Variants in NRXN3 observed in about 807,000 individuals in gnomAD.
NRXN3 encodes neurexin III.
A neutral mutation model predicts 137.6 loss-of-function variants in NRXN3; 32 were observed. The ratio of observed to expected loss-of-function variants is 0.23; its 90% CI spans 0.18 to 0.31. The LOEUF is 0.31. Among genes scored for constraint, NRXN3 ranks in the 10% least tolerant of loss-of-function variants. NRXN3 has a pLI of 1.00. For missense variants in NRXN3, 1,574 were observed against 2,062.5 expected (o/e 0.76, Z 4.59); for synonymous variants, 798 against 784.5 (o/e 1.02, Z -0.29).
rs575853305 is a variant in NRXN3, at chr14:79,783,723, A to G, written c.4015-21389A>G. 5.9e-5 allele frequency among the ~76,000 whole-genome samples: 9 copies of G among 152,306 alleles called. No individual in the cohort carries two copies. The South Asian group carries it at 1.7e-3, about 28-fold the overall frequency. ...ATGTAAAATTCTGATAGTATCATGT[A>G]TGTCTTTAGAATTTCCGTTGTCACA... On this transcript the variant is annotated intron_variant, in intron 19 of 20. Coordinates refer to ENST00000335750, the MANE Select transcript of NRXN3 (RefSeq NM_001330195.2).
At chr14:78,990,492 C>T (rs1598299301) in intron 15 of NRXN3, among the ~76,000 whole-genome samples, 1 of 151,640 alleles carries the variant, frequency 6.6e-6, no homozygotes, top group Non-Finnish European at 1.5e-5. Context: ...CTGCCTCAGC[C>T]TCCTGAGTAG....
At chr14:79,128,787 G>C (rs1295312585) in intron 15 of NRXN3, among the ~76,000 whole-genome samples, 1 of 151,924 alleles carries the variant, frequency 6.6e-6, no homozygotes, top group African/African-American at 2.4e-5. Context: ...GTAGAATTCG[G>C]CTGTGAATCC....
chr14:79,130,194 G>C lies in NRXN3; in HGVS notation c.3262+142053G>C, dbSNP rs562690599. Among the ~76,000 whole-genome samples, 6 of 150,616 alleles carry C rather than the reference G, an allele frequency of 4.0e-5. No individual in the cohort carries two copies. In the South Asian group the frequency reaches 1.3e-3, roughly 32 times the overall value. On this transcript the variant is annotated intron_variant, in intron 15 of 20. Coordinates refer to ENST00000335750, the MANE Select transcript of NRXN3 (RefSeq NM_001330195.2). ...TCCATTTACATTTAAAGTTAATATT[G>C]TTATGTGTGAATTTGATCCTGTCAT... is the stretch of plus-strand genomic sequence containing the variant.
intron 8 of NRXN3, among the ~76,000 whole-genome samples, chr14:78,778,792 CTTTCTTTCTTTCTT>C (rs2098757084): frequency 7.9e-6 from 1 of 127,216 alleles, no homozygotes; most frequent in African/African-American, 3.1e-5. Flanking sequence ...TTCTTTCTTT[CTTTCTTTCTTTCTT>C]TCTTTCTTTC....
At chr14:79,579,068 C>G (rs753823543) in intron 16 of NRXN3, among the ~76,000 whole-genome samples, 46 of 151,886 alleles carry the variant, frequency 3.0e-4, no homozygotes, top group Non-Finnish European at 5.7e-4. Flanking sequence ...AATTTTACAG[C>G]TATTATTCAA....
chr14:79,739,240 T>C (rs139996663), intron 19 of NRXN3, among the ~76,000 whole-genome samples: 142 of 152,270 alleles, frequency 9.3e-4, no homozygotes, highest in African/African-American at 3.3e-3. Flanking sequence ...CTGGAGCTAA[T>C]ACAGTAATAT....
chr14:78,323,721 G>A (rs976479280), intron 4 of NRXN3, among the ~76,000 whole-genome samples: 1 of 152,008 alleles, frequency 6.6e-6, no homozygotes, highest in African/African-American at 2.4e-5. Flanking sequence ...CCAAGGAAGT[G>A]CTTCCCTAGG....
intron 10 of NRXN3, among the ~76,000 whole-genome samples, chr14:78,817,171 C>T (rs966870821): frequency 5.3e-5 from 8 of 152,136 alleles, no homozygotes; most frequent in Non-Finnish European, 1.0e-4. Flanking sequence ...GACACTGGAG[C>T]CAAATAGCCT....
chr14:79,028,878 C>A (rs1256870149), intron 15 of NRXN3, among the ~76,000 whole-genome samples: 1 of 152,100 alleles, frequency 6.6e-6, no homozygotes, highest in African/African-American at 2.4e-5. Flanking sequence ...TTTCTCACTG[C>A]CTGATCCATT....
chr14:79,427,747 G>T (rs1185186638), intron 15 of NRXN3, among the ~76,000 whole-genome samples: 2 of 151,146 alleles, frequency 1.3e-5, no homozygotes, highest in Admixed American at 6.6e-5. Context: ...CAGGAGAATT[G>T]CTTGAACCCT....
At chr14:79,498,820 TG>T (rs2096791717) in intron 16 of NRXN3, among the ~76,000 whole-genome samples, 1 of 152,266 alleles carries the variant, frequency 6.6e-6, no homozygotes, top group African/African-American at 2.4e-5. Context: ...GGTCTTGCTC[TG>T]TGTCCCATGC....
intron 4 of NRXN3, among the ~76,000 whole-genome samples, chr14:78,375,455 A>G: frequency 6.6e-6 from 1 of 152,162 alleles, no homozygotes; most frequent in South Asian, 2.1e-4. Flanking sequence ...TATTTTGGAT[A>G]CTTTCTAGTT....
At chr14:79,205,718 G>A (rs919611119) in intron 15 of NRXN3, among the ~76,000 whole-genome samples, 1 of 152,196 alleles carries the variant, frequency 6.6e-6, no homozygotes, top group Non-Finnish European at 1.5e-5. Flanking sequence ...TCCTATGACA[G>A]AAATCCAGCA....
intron 17 of NRXN3, among the ~76,000 whole-genome samples, chr14:79,677,879 C>T (rs2098649098): frequency 1.3e-5 from 2 of 152,124 alleles, no homozygotes; most frequent in South Asian, 4.1e-4. Context: ...TCCAAGCCAA[C>T]CTTCCTAGTG....
At chr14:78,381,726 A>G (rs2089163467) in intron 4 of NRXN3, among the ~76,000 whole-genome samples, 1 of 152,234 alleles carries the variant, frequency 6.6e-6, no homozygotes, top group South Asian at 2.1e-4. Flanking sequence ...TGGTACATCT[A>G]TACTTTGGAA....
intron 8 of NRXN3, among the ~76,000 whole-genome samples, chr14:78,751,874 A>C (rs536417287): frequency 2.0e-4 from 30 of 152,248 alleles, no homozygotes; most frequent in African/African-American, 7.0e-4. Flanking sequence ...TTTGTAGTTT[A>C]ATAAGACCTC....
At chr14:79,584,296 A>C (rs1220327832) in intron 16 of NRXN3, among the ~76,000 whole-genome samples, 6 of 152,164 alleles carry the variant, frequency 3.9e-5, no homozygotes, top group African/African-American at 1.4e-4. Flanking sequence ...TGAGGAAAGG[A>C]TATTATGTCA....
chr14:78,601,674 T>G (rs939541757), intron 4 of NRXN3, among the ~76,000 whole-genome samples: 12 of 152,258 alleles, frequency 7.9e-5, no homozygotes, highest in African/African-American at 2.9e-4. Flanking sequence ...CAGGATGGTC[T>G]CTATCTCCTG....
chr14:78,187,520 A>C (rs2060332290), intron 1 of NRXN3, among the ~76,000 whole-genome samples: 1 of 152,082 alleles, frequency 6.6e-6, no homozygotes, highest in Non-Finnish European at 1.5e-5. Context: ...CAGGATTGGT[A>C]CCCACATGGT....
Sources: allele counts gnomAD v4.1 joint callset (sites outside exome capture counted in the v4.1 genomes callset), GRCh38; gene constraint gnomAD v4.1.1; transcripts MANE v1.5; gene names NCBI Gene and HGNC (gene_info 2026-07-23, HGNC 2026-07-21).